The following KRT7 variants were observed in gnomAD, a reference collection of about 807,000 sequenced individuals.
KRT7 encodes keratin, type II cytoskeletal 7.
In KRT7, 50 loss-of-function variants were observed where a neutral mutation model predicts 42.8. That is an observed-to-expected ratio of 1.17 (90% CI 0.93 to 1.48). The LOEUF (loss-of-function observed/expected upper bound fraction) is 1.48. Among genes scored for constraint, KRT7 ranks in the 40% most tolerant of loss-of-function variants. The pLI, the probability that KRT7 is intolerant of heterozygous loss-of-function variation, is 0.00. For missense variants in KRT7, 588 were observed against 637.6 expected, an observed-to-expected ratio of 0.92 and a Z score of 0.84; for synonymous variants, 268 against 266.3, an observed-to-expected ratio of 1.01 and a Z score of -0.06.
chr12:52,243,023 C>T lies in KRT7; in HGVS notation c.870C>T (p.Leu290=). 1 of 1,613,300 alleles carries T rather than the reference C, an allele frequency of 6.2e-7. No individual in the cohort carries two copies. Among genetic ancestry groups the T allele is most frequent in the Non-Finnish European group, 8.5e-7 (1 of 1,179,554 alleles). Residue 290 remains leucine, a synonymous_variant, in exon 6 of 9, where the codon CTC becomes CTT. Coordinates refer to ENST00000331817, the MANE Select transcript of KRT7 (RefSeq NM_005556.4). ...EAWYQTKFET[L]QAQAGKHGDD... The stretch of plus-strand genomic sequence containing the variant: ...TATGGCCCCTCCAGTTTGAGACCCT[C>T]CAGGCCCAGGCTGGGAAGCATGGGG...
At chr12:52,255,481 A>C, downstream of KRT7, 2 of 453,904 alleles carry the variant, frequency 4.4e-6, no homozygotes, top group South Asian at 3.1e-5. Flanking sequence ...AGGCAAACAC[A>C]TTCCGGGAAC....
At chr12:52,242,611 C>T (rs933362875) in intron 5 of KRT7, among the ~76,000 whole-genome samples, 3 of 152,174 alleles carry the variant, frequency 2.0e-5, no homozygotes, top group African/African-American at 4.8e-5. Context: ...TTCAGGCCCT[C>T]GTTCCATCAC....
chr12:52,241,211 C>T (rs911160979), intron 4 of KRT7, among the ~76,000 whole-genome samples: 4 of 152,162 alleles, frequency 2.6e-5, no homozygotes, highest in Admixed American at 2.0e-4. Context: ...GTCACCACAG[C>T]GCACCACACT....
chr12:52,248,956 G>A, downstream of KRT7: 2 of 486,508 alleles, frequency 4.1e-6, no homozygotes, highest in Non-Finnish European at 3.4e-6. Context: ...AGGCTGGGCA[G>A]GGGAAAAGAC....
chr12:52,233,999 G>C (rs116392757), intron 1 of KRT7, among the ~76,000 whole-genome samples: 3 of 152,170 alleles, frequency 2.0e-5, no homozygotes, highest in South Asian at 2.1e-4. Context: ...TTCCCTGAGA[G>C]AGGACCGTGT....
chr12:52,233,619 A>G lies in KRT7; in HGVS notation c.323A>G (p.Lys108Arg), dbSNP rs1592386563. ...AACAAGTTTGCCTCCTTCATCGACA[A>G]GGTGAGCGGGACTGGACCTCGCCTC... ...LNNKFASFIDKVRFLEQQNKL... is the reference protein window; with the variant it reads ...LNNKFASFIDRVRFLEQQNKL... The change falls in exon 1 of 9, where the codon AAG becomes AGG. Residue 108 changes from lysine (K) to arginine (R), a missense_variant and splice_region_variant. By Grantham distance (26) the Lys-to-Arg change is conservative. Coordinates refer to ENST00000331817, the MANE Select transcript of KRT7 (RefSeq NM_005556.4). 1 of 1,612,290 alleles carries G rather than the reference A, an allele frequency of 6.2e-7. No homozygotes were observed. Among genetic ancestry groups the G allele is most frequent in the Non-Finnish European group, 8.5e-7 (1 of 1,179,532 alleles).
chr12:52,241,872 T>C (rs1030462866), intron 5 of KRT7: 26 of 327,438 alleles, frequency 7.9e-5, no homozygotes, highest in East Asian at 6.2e-4. Flanking sequence ...ACTTACACAG[T>C]ACTAGGCTCA....
At chr12:52,244,221 C>T (rs930515687) in intron 6 of KRT7, among the ~76,000 whole-genome samples, 11 of 152,338 alleles carry the variant, frequency 7.2e-5, no homozygotes, top group Middle Eastern at 3.4e-3. Context: ...TACAGGAGGG[C>T]GGAGGCTGCC....
At position 52,233,417 on chromosome 12, in the gene KRT7, G is replaced by T. The variant is rs1941951167; in HGVS notation, c.121G>T (p.Gly41Cys). 2 of 1,557,718 alleles carry T rather than the reference G, an allele frequency of 1.3e-6. No individual in the cohort carries two copies. The highest frequency in any genetic ancestry group is 1.7e-6 in the Non-Finnish European group (2 of 1,159,380). The change falls in exon 1 of 9, where the codon GGC becomes TGC. Residue 41 changes from glycine (G) to cysteine (C), a missense_variant. By Grantham distance (159) the Gly-to-Cys change is radical. Coordinates refer to ENST00000331817, the MANE Select transcript of KRT7 (RefSeq NM_005556.4). ...CGGCCTTGGCAGCAGCAGCCTCTAC[G>T]GCCTCGGCGCCTCACGGCCGCGCGT... The part of the protein sequence containing the change: ...PGGLGSSSLY[G>C]LGASRPRVAV...
chr12:52,255,712 C>T (rs550068891), downstream of KRT7, among the ~76,000 whole-genome samples: 35 of 152,294 alleles, frequency 2.3e-4, no homozygotes, highest in Non-Finnish European at 4.4e-4. Context: ...GGAACCCTGC[C>T]CAGTTCTGGT....
At chr12:52,253,200 T>A (rs1942293500), downstream of KRT7, 1 of 1,598,650 alleles carries the variant, frequency 6.3e-7, no homozygotes, top group African/African-American at 1.3e-5. Context: ...AGGGGTGGGC[T>A]GGGCTCCCAT....
In KRT7 at chr12:52,248,777, C is replaced by A; in HGVS notation, c.*17C>A. 1 of 1,525,380 alleles carries A rather than the reference C, an allele frequency of 6.6e-7. No homozygotes were observed. Among genetic ancestry groups the A allele is most frequent in the Admixed American group, 2.0e-5 (1 of 51,078 alleles). The allele number at this position is 1,525,380 out of a possible 1,614,324, so 94.5% of individuals were successfully genotyped here. ...CGCGACTGAGCCGCCTCCCACCACT[C>A]CACTCCTCCAGCCACCACCCACAAT... On this transcript the variant is annotated 3_prime_UTR_variant, in exon 9 of 9. Coordinates refer to ENST00000331817, the MANE Select transcript of KRT7 (RefSeq NM_005556.4).
At chr12:52,248,096 G>T in intron 7 of KRT7, 81 bp from the exon 8 acceptor site, 1 of 1,302,090 alleles carries the variant, frequency 7.7e-7, no homozygotes, top group Non-Finnish European at 1.1e-6. Flanking sequence ...CCTGCTTGGG[G>T]CCTGGAAGGA....
intron 6 of KRT7, chr12:52,244,600 A>G: frequency 1.0e-6 from 1 of 986,024 alleles, no homozygotes; most frequent in Non-Finnish European, 1.2e-6. Context: ...ATCTGAGGAT[A>G]GAGAATGGCC....
rs747948930 is a variant in KRT7, at chr12:52,248,717, C to T, written c.1367C>T (p.Ser456Phe). The change falls in exon 9 of 9, where the codon TCC becomes TTC. Residue 456 changes from serine (S) to phenylalanine (F), a missense_variant. Transcript: ENST00000331817. The stretch of plus-strand genomic sequence containing the variant: ...GGTCCTGGGCTCCTGAAGGCTTATT[C>T]CATCCGGACCGCATCCGCCAGTCGC... The part of the protein sequence containing the change: ...SAGPGLLKAY[S>F]IRTASASRRS... 7 of 1,607,070 alleles carry T rather than the reference C, an allele frequency of 4.4e-6. No homozygotes were observed. The East Asian group carries it at 1.6e-4, about 36-fold the overall frequency.
intron 7 of KRT7, 94 bp downstream of exon 7, chr12:52,245,726 C>A: frequency 6.7e-7 from 1 of 1,502,286 alleles, no homozygotes; most frequent in Non-Finnish European, 9.1e-7. Flanking sequence ...CCTGTATGCC[C>A]CTCCTCTGCA....
At chr12:52,253,955 G>C (rs1021146573), downstream of KRT7, among the ~76,000 whole-genome samples, 2 of 152,116 alleles carry the variant, frequency 1.3e-5, no homozygotes, top group Non-Finnish European at 2.9e-5. Flanking sequence ...CCTGAGCCTA[G>C]AGGACTTGGA....
At position 52,245,576 on chromosome 12, in the gene KRT7, G is replaced by A. The variant is rs780624562; in HGVS notation, c.1149G>A (p.Leu383=). The change falls in exon 7 of 9, where the codon CTG becomes CTA. Residue 383 remains leucine (L), a synonymous_variant. Transcript: ENST00000331817. ...ACCAGGAACTCATGAGCGTGAAGCT[G>A]GCCCTGGACATCGAGATCGCCACCT... ...REYQELMSVK[L]ALDIEIATYR... The A allele has an allele frequency of 6.2e-7, 1 of 1,614,092 alleles. No individual in the cohort carries two copies. The highest frequency in any genetic ancestry group is 8.5e-7 in the Non-Finnish European group (1 of 1,180,042).
intron 1 of KRT7, among the ~76,000 whole-genome samples, chr12:52,234,141 C>A (rs1565715607): frequency 6.8e-6 from 1 of 147,290 alleles, no homozygotes. Context: ...GGGGGGGCTC[C>A]CGCCCCTCCC....
Sources: gnomAD v4.1 joint callset for allele counts (sites outside exome capture counted in the v4.1 genomes callset) on GRCh38, gnomAD v4.1.1 for gene constraint, MANE v1.5 for transcripts, NCBI Gene and HGNC (gene_info 2026-07-23, HGNC 2026-07-21) for gene names.